MTMR8: variants seen among roughly 807,000 people sequenced by gnomAD.
MTMR8 encodes myotubularin related protein 8, also known as phosphatidylinositol-3,5-bisphosphate 3-phosphatase MTMR8.
MTMR8 carries 65 observed loss-of-function variants against 39.3 expected under a neutral mutation model. The observed-to-expected ratio is 1.65, with a 90% confidence interval of 1.35 to 2.03. The LOEUF (loss-of-function observed/expected upper bound fraction) is 2.03, where lower values mean the gene tolerates loss of function less well. MTMR8 is among the 30% of genes most tolerant of loss of function. The pLI is 0.00. For synonymous variants in MTMR8, 245 were observed against 185.2 expected, an observed-to-expected ratio of 1.32 and a Z score of -2.62; for missense variants, 777 against 538.9, an observed-to-expected ratio of 1.44 and a Z score of -4.37.
At chrX:64,319,955 C>T (rs975236484) in intron 12 of MTMR8, among the ~76,000 whole-genome samples, 9 of 111,251 alleles carry the variant, frequency 8.1e-5, no homozygotes, top group African/African-American at 2.9e-4. Context: ...TTATTGGTAG[C>T]TTGATGGGGA....
At chrX:64,300,887 G>A (rs369209051) in intron 12 of MTMR8, among the ~76,000 whole-genome samples, 1 of 110,891 alleles carries the variant, frequency 9.0e-6, no homozygotes, top group East Asian at 2.8e-4. Flanking sequence ...TTTCCTTTAA[G>A]AATGTTGAAT....
At chrX:64,344,418 A>G (rs2147227314) in intron 7 of MTMR8, among the ~76,000 whole-genome samples, 1 of 111,420 alleles carries the variant, frequency 9.0e-6, no homozygotes, top group African/African-American at 3.3e-5. Flanking sequence ...GGAGTTCACT[A>G]AAGAAGGCAG....
chrX:64,369,579 A>G (rs1924073699), intron 1 of MTMR8, among the ~76,000 whole-genome samples: 2 of 110,477 alleles, frequency 1.8e-5, no homozygotes, highest in Non-Finnish European at 3.8e-5. Flanking sequence ...ACACTTGGAC[A>G]CAGTGCAGTG....
intron 12 of MTMR8, among the ~76,000 whole-genome samples, chrX:64,326,343 TAAAC>T (rs1422139301): frequency 9.0e-6 from 1 of 111,685 alleles, no homozygotes; most frequent in African/African-American, 3.3e-5. Context: ...CTAGAGCTAA[TAAAC>T]AAATTCAGTA....
At chrX:64,308,217 CTTTT>C (rs1193733889) in intron 12 of MTMR8, among the ~76,000 whole-genome samples, 1 of 104,688 alleles carries the variant, frequency 9.6e-6, no homozygotes. Flanking sequence ...AAGCATAATA[CTTTT>C]TTTTTTATTA....
intron 12 of MTMR8, among the ~76,000 whole-genome samples, chrX:64,307,793 G>A (rs113551801): frequency 1.1e-3 from 119 of 112,330 alleles, no homozygotes; most frequent in South Asian, 2.2e-3. Context: ...GGGAAGGGCT[G>A]ACATTTTTAC....
intron 12 of MTMR8, among the ~76,000 whole-genome samples, chrX:64,289,636 C>CAAAAAAAAAAAAAAAAAAAAAA (rs749879321): frequency 6.4e-4 from 17 of 26,418 alleles, no homozygotes; most frequent in African/African-American, 1.7e-3. Context: ...GACTCCATCG[C>CAAAAAAAAAAAAAAAAAAAAAA]AAAAAAAAAA....
At chrX:64,337,493 G>A in intron 8 of MTMR8, 100 bp from the exon 9 acceptor site, 1 of 906,454 alleles carries the variant, frequency 1.1e-6, no homozygotes, top group African/African-American at 2.0e-5. Context: ...AGAGAACCTG[G>A]TCTTATGGGC....
intron 12 of MTMR8, among the ~76,000 whole-genome samples, chrX:64,316,990 T>C (rs1386100655): frequency 1.8e-5 from 2 of 108,441 alleles, no homozygotes; most frequent in Non-Finnish European, 3.8e-5. Flanking sequence ...TGTGTGCCTG[T>C]AGTCCCAGCT....
At chrX:64,365,875 CAG>C (rs1923938016) in intron 1 of MTMR8, among the ~76,000 whole-genome samples, 1 of 111,173 alleles carries the variant, frequency 9.0e-6, no homozygotes, top group African/African-American at 3.3e-5. Flanking sequence ...ATCTCACATG[CAG>C]AGACACACAT....
At chrX:64,382,531 C>T (rs753140989) in intron 1 of MTMR8, among the ~76,000 whole-genome samples, 27 of 111,500 alleles carry the variant, frequency 2.4e-4, no homozygotes, top group African/African-American at 8.2e-4. Context: ...TCTAGATATA[C>T]AATCATGTCA....
intron 1 of MTMR8, among the ~76,000 whole-genome samples, chrX:64,371,121 C>T (rs1823311979): frequency 1.8e-5 from 2 of 112,107 alleles, no homozygotes; most frequent in African/African-American, 6.5e-5. Flanking sequence ...CACTCCACAC[C>T]AGCCTAAGTG....
intron 12 of MTMR8, among the ~76,000 whole-genome samples, chrX:64,286,366 C>A (rs1358839393): frequency 8.9e-6 from 1 of 111,895 alleles, no homozygotes; most frequent in African/African-American, 3.3e-5. Flanking sequence ...GATTCACAGC[C>A]AAATTCTACC....
At chrX:64,382,582 G>A (rs1341502885) in intron 1 of MTMR8, among the ~76,000 whole-genome samples, 1 of 111,059 alleles carries the variant, frequency 9.0e-6, no homozygotes, top group African/African-American at 3.3e-5. Flanking sequence ...TTCCCTAATT[G>A]AATACCCTTT....
At position 64,359,414 on chromosome X, in the gene MTMR8, T is replaced by C. The variant is rs1344146428; in HGVS notation, c.138A>G (p.Lys46=). 3.3e-6 allele frequency: 4 copies of C among 1,204,528 alleles called. No homozygotes were observed. The highest frequency in any genetic ancestry group is 3.0e-5 in the East Asian group (1 of 33,692). Residue 46 remains lysine (K), a synonymous_variant, in exon 2 of 14, where the codon AAA becomes AAG. Coordinates refer to ENST00000374852, the MANE Select transcript of MTMR8 (RefSeq NM_017677.4). ...CTTCTCATGAACATACCCATGTTTC[T>C]TTCCGGGCTGCACCTGAAGCCTCCA... is the stretch of plus-strand genomic sequence containing the variant. ...IYVEASGAAR[K]ETWIALHHIA...
rs185129427 is a variant in MTMR8, at chrX:64,373,681, C to T, written c.25-14154G>A. The stretch of plus-strand genomic sequence containing the variant: ...GGGGAGAGGAAGGGAACTGAAAAAA[C>T]CTCCCACCCCTATGGCCCACCCTCT... On this transcript the variant is annotated intron_variant, in intron 1 of 13. Coordinates refer to ENST00000374852, the MANE Select transcript of MTMR8 (RefSeq NM_017677.4). Among the ~76,000 whole-genome samples, 119 of 111,073 alleles carry T rather than the reference C, an allele frequency of 1.1e-3. 1 individual carries two copies. Among genetic ancestry groups the T allele is most frequent in the Middle Eastern group, 4.7e-3 (1 of 214 alleles).
intron 12 of MTMR8, among the ~76,000 whole-genome samples, chrX:64,307,768 A>G (rs1423432710): frequency 3.6e-5 from 4 of 112,292 alleles, no homozygotes. Context: ...ATGTATTGTA[A>G]TTGCATACCA....
intron 1 of MTMR8, among the ~76,000 whole-genome samples, chrX:64,378,220 C>A (rs1924320196): frequency 1.8e-5 from 2 of 111,764 alleles, no homozygotes; most frequent in Admixed American, 9.6e-5. Flanking sequence ...CCTGAACAGA[C>A]TAAAACAAGA....
chrX:64,296,618 T>C (rs1210607602), intron 12 of MTMR8, among the ~76,000 whole-genome samples: 1 of 104,672 alleles, frequency 9.6e-6, no homozygotes, highest in African/African-American at 3.5e-5. Context: ...TTAGGGTACA[T>C]GTGCACATTG....
Sources: allele counts gnomAD v4.1 joint callset (sites outside exome capture counted in the v4.1 genomes callset), GRCh38; gene constraint gnomAD v4.1.1; transcripts MANE v1.5; gene names NCBI Gene and HGNC (gene_info 2026-07-23, HGNC 2026-07-21).